The following TATDN1 variants were observed in gnomAD, a reference collection of about 807,000 sequenced individuals.
TATDN1 encodes TatD DNase domain containing 1, also known as deoxyribonuclease TATDN1.
In TATDN1, 40 loss-of-function variants were observed where a neutral mutation model predicts 46.4. The ratio of observed to expected loss-of-function variants is 0.86; its 90% CI spans 0.67 to 1.12. The LOEUF (loss-of-function observed/expected upper bound fraction) is 1.12, where lower values mean the gene tolerates loss of function less well. Ranked by LOEUF, TATDN1 falls within the 50% of genes most tolerant of loss-of-function variation. The pLI is 0.00. For synonymous variants in TATDN1, 95 were observed against 105.6 expected, an observed-to-expected ratio of 0.90 and a Z score of 0.62; for missense variants, 326 against 348.4, an observed-to-expected ratio of 0.94 and a Z score of 0.51.
intron 6 of TATDN1, among the ~76,000 whole-genome samples, chr8:124,514,965 T>G (rs1032480289): frequency 3.3e-5 from 5 of 151,966 alleles, no homozygotes; most frequent in Non-Finnish European, 5.9e-5. Context: ...TTCTTGCTGG[T>G]TTTTTTTAGA....
At chr8:124,507,627 C>CA (rs1818596698) in intron 8 of TATDN1, among the ~76,000 whole-genome samples, 1 of 151,662 alleles carries the variant, frequency 6.6e-6, no homozygotes. Context: ...ACAAAATATA[C>CA]AAAAAAATTA....
intron 9 of TATDN1, chr8:124,503,851 T>C: frequency 8.1e-7 from 1 of 1,237,202 alleles, no homozygotes; most frequent in Non-Finnish European, 1.1e-6. Context: ...TGTTTCCTAA[T>C]TTCTTTGAGC....
chr8:124,496,000 G>A (rs1817438486), intron 9 of TATDN1, among the ~76,000 whole-genome samples: 1 of 152,178 alleles, frequency 6.6e-6, no homozygotes, highest in Admixed American at 6.5e-5. Context: ...CCTTGAATCT[G>A]GCGTTGGCCT....
intron 11 of TATDN1, chr8:124,488,955 T>C: frequency 2.5e-6 from 1 of 401,420 alleles, no homozygotes; most frequent in East Asian, 5.7e-5. Context: ...CTGTATTATG[T>C]TCACCAATTA....
chr8:124,490,724 G>A (rs971239368), intron 11 of TATDN1, among the ~76,000 whole-genome samples: 4 of 150,954 alleles, frequency 2.6e-5, no homozygotes, highest in African/African-American at 7.3e-5. Context: ...TTTGTTTAAT[G>A]TGGCACTTTT....
intron 1 of TATDN1, among the ~76,000 whole-genome samples, chr8:124,535,181 A>T (rs970968563): frequency 5.3e-5 from 8 of 152,208 alleles, no homozygotes; most frequent in Non-Finnish European, 1.5e-5. Context: ...CCCAGCCATC[A>T]GTCATCTTAG....
chr8:124,523,418 C>G (rs1193736005), intron 1 of TATDN1: 1 of 164,630 alleles, frequency 6.1e-6, no homozygotes, highest in Non-Finnish European at 1.3e-5. Context: ...GAGGAAGCAG[C>G]GGGAGCAAAG....
chr8:124,537,342 C>T (rs1405681979), intron 1 of TATDN1, among the ~76,000 whole-genome samples: 1 of 152,024 alleles, frequency 6.6e-6, no homozygotes, highest in Non-Finnish European at 1.5e-5. Flanking sequence ...AGTTGGTAGG[C>T]AGAGGAATAT....
intron 10 of TATDN1, chr8:124,494,317 G>C (rs17298010): frequency 0.094 from 14,621 of 155,998 alleles, 856 homozygotes; most frequent in Non-Finnish European, 0.13. Context: ...AGTGAGGTTT[G>C]CATAAGTTAA....
intron 9 of TATDN1, among the ~76,000 whole-genome samples, chr8:124,496,566 T>TGG (rs1217336109): frequency 6.6e-6 from 1 of 152,234 alleles, no homozygotes. Flanking sequence ...GTCACATAGT[T>TGG]TGAATTACAC....
chr8:124,502,676 T>G lies in TATDN1; in HGVS notation c.593+1595A>C, dbSNP rs77714756. ...TGGAAGGGTCTGCAACTGACGGAAC[T>G]ATTAGATTATCTACATAGGTTTGCT... On this transcript the variant is annotated intron_variant, in intron 9 of 11. Transcript: ENST00000276692. Among the ~76,000 whole-genome samples, 577 of 149,726 alleles carry G rather than the reference T, an allele frequency of 3.9e-3. 5 individuals are homozygous for G. The highest frequency in any genetic ancestry group is 0.014 in the African/African-American group (559 of 40,734).
intron 11 of TATDN1, among the ~76,000 whole-genome samples, chr8:124,493,262 A>G (rs1817180344): frequency 6.6e-6 from 1 of 152,204 alleles, no homozygotes; most frequent in South Asian, 2.1e-4. Context: ...AATCTAGATT[A>G]ATTTAAATTA....
intron 9 of TATDN1, among the ~76,000 whole-genome samples, chr8:124,498,084 A>T (rs1445147693): frequency 6.6e-6 from 1 of 151,968 alleles, no homozygotes; most frequent in Non-Finnish European, 1.5e-5. Context: ...TTTTCTATTT[A>T]TCTTGGCCTT....
At chr8:124,506,334 C>CAAAAAAAAAAAAAAAAAAAAAAAAAA (rs56023168) in intron 8 of TATDN1, among the ~76,000 whole-genome samples, 1 of 52,522 alleles carries the variant, frequency 1.9e-5, no homozygotes, top group African/African-American at 7.0e-5. Context: ...GGCTCTGTCT[C>CAAAAAAAAAAAAAAAAAAAAAAAAAA]AAAAAAAAAA....
chr8:124,491,975 C>CTTT (rs374261084), intron 11 of TATDN1, among the ~76,000 whole-genome samples: 3 of 136,524 alleles, frequency 2.2e-5, no homozygotes, highest in Non-Finnish European at 4.8e-5. Flanking sequence ...CTTCACAGTT[C>CTTT]TTTTTTTTTT....
chr8:124,490,502 T>A (rs1422032561), intron 11 of TATDN1, among the ~76,000 whole-genome samples: 5 of 151,620 alleles, frequency 3.3e-5, no homozygotes, highest in East Asian at 3.9e-4. Context: ...AGAGCGAGAC[T>A]CTCTCTCCAA....
intron 11 of TATDN1, chr8:124,489,648 T>C (rs6993926): frequency 0.55 from 83,049 of 151,974 alleles, 23,834 homozygotes; most frequent in African/African-American, 0.73. Context: ...CTCCTGACCT[T>C]GTGATCCACC....
At chr8:124,521,903 A>C (rs922046339) in intron 3 of TATDN1, 12 of 332,754 alleles carry the variant, frequency 3.6e-5, no homozygotes, top group Admixed American at 3.4e-4. Context: ...TAGGTTTAAA[A>C]AATTTTTTTT....
intron 11 of TATDN1, among the ~76,000 whole-genome samples, chr8:124,492,804 G>C (rs976214470): frequency 1.4e-5 from 2 of 146,378 alleles, no homozygotes; most frequent in East Asian, 2.0e-4. Flanking sequence ...CACTGAATTT[G>C]CAAGTACTTA....
Sources: allele counts gnomAD v4.1 joint callset (sites outside exome capture counted in the v4.1 genomes callset), GRCh38; gene constraint gnomAD v4.1.1; transcripts MANE v1.5; gene names NCBI Gene and HGNC (gene_info 2026-07-23, HGNC 2026-07-21).